KLF12: variants seen among roughly 807,000 people sequenced by gnomAD.
KLF12 encodes KLF transcription factor 12.
KLF12 carries 9 observed loss-of-function variants against 37.8 expected under a neutral mutation model. The ratio of observed to expected loss-of-function variants is 0.24; its 90% CI spans 0.14 to 0.42. The LOEUF is 0.42. KLF12 is among the 10% of genes least tolerant of loss of function. KLF12 has a pLI of 1.00. For synonymous variants in KLF12, 208 were observed against 202.1 expected (o/e 1.03, Z -0.25); for missense variants, 411 against 516.0 (o/e 0.80, Z 1.97).
At chr13:73,880,713 G>A (rs1253864455) in intron 3 of KLF12, among the ~76,000 whole-genome samples, 1 of 152,186 alleles carries the variant, frequency 6.6e-6, no homozygotes, top group African/African-American at 2.4e-5. Flanking sequence ...ACAGGTGCAT[G>A]AACAGGGCTG....
At chr13:73,818,619 T>C (rs1883361504) in intron 4 of KLF12, among the ~76,000 whole-genome samples, 1 of 152,274 alleles carries the variant, frequency 6.6e-6, no homozygotes, top group Non-Finnish European at 1.5e-5. Context: ...CATTCTTCTA[T>C]TTCTATAGGT....
chr13:74,152,034 C>A, the KLF12 span, among the ~76,000 whole-genome samples: 1 of 152,102 alleles, frequency 6.6e-6, no homozygotes, highest in Non-Finnish European at 1.5e-5. Flanking sequence ...TCATTTCTGG[C>A]AGTATTTTCC....
At chr13:73,949,580 CTCAG>C (rs1385702414) in intron 2 of KLF12, among the ~76,000 whole-genome samples, 13 of 152,304 alleles carry the variant, frequency 8.5e-5, no homozygotes, top group African/African-American at 3.1e-4. Flanking sequence ...TGGTGGCTCA[CTCAG>C]TATTTTCAAA....
intron 3 of KLF12, among the ~76,000 whole-genome samples, chr13:73,903,334 T>C (rs895014931): frequency 6.6e-6 from 1 of 152,208 alleles, no homozygotes; most frequent in African/African-American, 2.4e-5. Context: ...AAAGTCTTAT[T>C]AATTATGGCA....
At chr13:73,717,864 C>T (rs1433007257) in intron 6 of KLF12, among the ~76,000 whole-genome samples, 1 of 152,124 alleles carries the variant, frequency 6.6e-6, no homozygotes, top group Admixed American at 6.6e-5. Flanking sequence ...GTCCCATGAA[C>T]AAGTAAGACT....
intron 4 of KLF12, among the ~76,000 whole-genome samples, chr13:73,826,264 C>A (rs1473400528): frequency 6.6e-6 from 1 of 152,266 alleles, no homozygotes; most frequent in East Asian, 1.9e-4. Flanking sequence ...TGAGCCACCA[C>A]GCCTGGCCCT....
chr13:73,849,685 G>A (rs574359295), intron 3 of KLF12, among the ~76,000 whole-genome samples: 24 of 152,276 alleles, frequency 1.6e-4, no homozygotes, highest in African/African-American at 5.5e-4. Context: ...ACAAGGAAGA[G>A]ACACTTCTGC....
the KLF12 span, among the ~76,000 whole-genome samples, chr13:74,165,654 A>T: frequency 6.6e-6 from 1 of 152,218 alleles, no homozygotes; most frequent in East Asian, 1.9e-4. Context: ...CCACATCACC[A>T]GGTTTAAATC....
chr13:74,094,242 G>A (rs1444234317), intron 1 of KLF12, among the ~76,000 whole-genome samples: 1 of 151,988 alleles, frequency 6.6e-6, no homozygotes, highest in Non-Finnish European at 1.5e-5. Flanking sequence ...GTCCCTTGGT[G>A]GCCGAGAAAG....
intron 1 of KLF12, among the ~76,000 whole-genome samples, chr13:74,111,431 G>A (rs2138925624): frequency 6.6e-6 from 1 of 152,040 alleles, no homozygotes; most frequent in African/African-American, 2.4e-5. Context: ...CTTATAAGAG[G>A]CTTCTTTTAA....
intron 3 of KLF12, among the ~76,000 whole-genome samples, chr13:73,917,215 T>C (rs985519304): frequency 1.3e-5 from 2 of 152,226 alleles, no homozygotes; most frequent in East Asian, 3.8e-4. Flanking sequence ...GATTACTTTA[T>C]AAATGCTATA....
the KLF12 span, among the ~76,000 whole-genome samples, chr13:74,202,442 G>T: frequency 6.6e-6 from 1 of 152,120 alleles, no homozygotes; most frequent in Non-Finnish European, 1.5e-5. Flanking sequence ...CTGCAGAGCT[G>T]CTCTTGACAC....
chr13:74,260,249 G>A, the KLF12 span, among the ~76,000 whole-genome samples: 4 of 152,008 alleles, frequency 2.6e-5, no homozygotes, highest in Non-Finnish European at 2.9e-5. Context: ...GTGACACATA[G>A]CAACAATTCA....
At chr13:73,784,219 T>C (rs1036034985) in intron 5 of KLF12, among the ~76,000 whole-genome samples, 7 of 152,174 alleles carry the variant, frequency 4.6e-5, no homozygotes, top group African/African-American at 1.7e-4. Flanking sequence ...TATGCATCGC[T>C]TTCTTTTCAT....
chr13:74,268,812 C>T, the KLF12 span, among the ~76,000 whole-genome samples: 1 of 152,184 alleles, frequency 6.6e-6, no homozygotes, highest in African/African-American at 2.4e-5. Flanking sequence ...ATCCACCAGG[C>T]ATTGTAACAA....
At chr13:73,962,051 T>A (rs1225804620) in intron 2 of KLF12, 2 of 452,842 alleles carry the variant, frequency 4.4e-6, no homozygotes, top group Admixed American at 2.4e-5. Flanking sequence ...TTATTCATAA[T>A]CCCCAAGGCT....
chr13:73,866,764 A>G (rs1390859900), intron 3 of KLF12, among the ~76,000 whole-genome samples: 5 of 152,258 alleles, frequency 3.3e-5, no homozygotes, highest in African/African-American at 9.6e-5. Context: ...GAAAGAAAAA[A>G]GAGCAAAGGA....
At chr13:74,070,632 T>C (rs1252075303) in intron 1 of KLF12, among the ~76,000 whole-genome samples, 1 of 152,098 alleles carries the variant, frequency 6.6e-6, no homozygotes, top group Non-Finnish European at 1.5e-5. Flanking sequence ...CACTAATTGG[T>C]CATGAAGAAG....
intron 6 of KLF12, among the ~76,000 whole-genome samples, chr13:73,733,511 CACACACACGCACGATCATAT>C (rs1366216359): frequency 6.6e-6 from 1 of 152,116 alleles, no homozygotes; most frequent in Non-Finnish European, 1.5e-5. Context: ...AATGCTGACA[CACACACACGCACGATCATAT>C]ACACACATGC....
Sources: gnomAD v4.1 joint callset for allele counts (sites outside exome capture counted in the v4.1 genomes callset) on GRCh38, gnomAD v4.1.1 for gene constraint, MANE v1.5 for transcripts, NCBI Gene and HGNC (gene_info 2026-07-23, HGNC 2026-07-21) for gene names.